FAM221A: variants seen among roughly 807,000 people sequenced by gnomAD.
The protein encoded by FAM221A is protein FAM221A.
In FAM221A, 43 loss-of-function variants were observed where a neutral mutation model predicts 37.6. The ratio of observed to expected loss-of-function variants is 1.15; its 90% CI spans 0.90 to 1.48. The LOEUF is 1.48. FAM221A is among the 40% of genes most tolerant of loss of function. FAM221A has a pLI of 0.00. For synonymous variants in FAM221A, 135 were observed against 132.9 expected, an observed-to-expected ratio of 1.02 and a Z score of -0.11; for missense variants, 361 against 361.5, an observed-to-expected ratio of 1.00 and a Z score of 0.01.
At chr7:23,687,048 G>A (rs1025368905) in intron 2 of FAM221A, 3 of 152,216 alleles carry the variant, frequency 2.0e-5, no homozygotes, top group African/African-American at 7.2e-5. Context: ...GCCTCCCACA[G>A]TGCTGGGATT....
chr7:23,684,701 A>G, intron 2 of FAM221A, 29 bp downstream of exon 2: 1 of 1,557,728 alleles, frequency 6.4e-7, no homozygotes, highest in Non-Finnish European at 8.7e-7. Flanking sequence ...AAGTTTTTTG[A>G]TAATTAGAAA....
intron 1 of FAM221A, among the ~76,000 whole-genome samples, chr7:23,682,359 T>C (rs4722246): frequency 0.86 from 128,271 of 148,728 alleles, 55,382 homozygotes; most frequent in South Asian, 0.93. Context: ...AGCCACCACA[T>C]CTGGCTTTAT....
At chr7:23,689,105 G>T in intron 2 of FAM221A, 164 bp from the exon 3 acceptor site, 1 of 454,736 alleles carries the variant, frequency 2.2e-6, no homozygotes, top group African/African-American at 1.9e-5. Flanking sequence ...AGCAACATAG[G>T]TGATACAAGT....
At position 23,680,284 on chromosome 7, in the gene FAM221A, G is replaced by A. The variant is rs1783946919; in HGVS notation, c.65+1G>A. 6.5e-7 allele frequency: 1 copy of A among 1,546,110 alleles called. No homozygotes were observed. The highest frequency in any genetic ancestry group is 8.7e-7 in the Non-Finnish European group (1 of 1,144,820). ...TGGACGAGTACCTGGAGTACCGGAGGTGAGGCTGTGGCTCCGGGCCTGCCC... is the reference window on the plus strand; with the variant it reads ...TGGACGAGTACCTGGAGTACCGGAGATGAGGCTGTGGCTCCGGGCCTGCCC... On this transcript the variant is annotated splice_donor_variant, in intron 1 of 6. Coordinates refer to ENST00000344962, the MANE Select transcript of FAM221A (RefSeq NM_199136.5). LOFTEE classifies it high-confidence loss of function.
intron 3 of FAM221A, among the ~76,000 whole-genome samples, chr7:23,690,199 A>ATT (rs398004023): frequency 0.022 from 1,083 of 48,682 alleles, 57 homozygotes; most frequent in Middle Eastern, 0.065. Context: ...ATATATATAT[A>ATT]TTTTTTTTTT....
Position 23,702,169 on chromosome 7 carries a change from T to C in FAM221A, c.*5T>C. On this transcript the variant is annotated 3_prime_UTR_variant, in exon 7 of 7. Coordinates refer to ENST00000344962, the MANE Select transcript of FAM221A (RefSeq NM_199136.5). ...TCAGCTACAAAACCTTCATGAAGAC[T>C]ATTGGAGAAATTAAAACCATCATCC... The C allele has an allele frequency of 6.4e-7, 1 of 1,566,354 alleles. No homozygotes were observed. The highest frequency in any genetic ancestry group is 8.7e-7 in the Non-Finnish European group (1 of 1,152,074).
At chr7:23,692,649 G>A in intron 4 of FAM221A, 1 of 984,538 alleles carries the variant, frequency 1.0e-6, no homozygotes, top group Non-Finnish European at 1.2e-6. Flanking sequence ...GCCCATACGA[G>A]TATATATTTT....
Position 23,685,106 on chromosome 7 carries a change from G to A in FAM221A, c.239+434G>A, listed in dbSNP as rs189857091. 5.1e-3 allele frequency among the ~76,000 whole-genome samples: 776 copies of A among 152,212 alleles called. 12 individuals carry two copies. The highest frequency in any genetic ancestry group is 0.017 in the African/African-American group (726 of 41,530). ...CTACTAAAAATACAAAAAATTAGCC[G>A]GGCGTGGTGGCACACGCCTGTAATC... is the stretch of plus-strand genomic sequence containing the variant. On this transcript the variant is annotated intron_variant, in intron 2 of 6. Transcript: ENST00000344962.
At chr7:23,698,095 T>G in intron 4 of FAM221A, 97 bp from the exon 5 acceptor site, 1 of 734,576 alleles carries the variant, frequency 1.4e-6, no homozygotes, top group Non-Finnish European at 2.3e-6. Context: ...TTTCTAATAA[T>G]TCTGCTGAGG....
rs968965969 is a variant in FAM221A, at chr7:23,700,407, C to G, written c.746-379C>G. On this transcript the variant is annotated intron_variant, in intron 5 of 6. Coordinates refer to ENST00000344962, the MANE Select transcript of FAM221A (RefSeq NM_199136.5). ...TGAAAGATTTTGAAGCAGGTACTAT[C>G]ATTACTTATGGTTGCCTATACCAAG... Among the ~76,000 whole-genome samples the G allele has an allele frequency of 4.6e-5, 7 of 152,354 alleles. No homozygotes were observed. The South Asian group carries it at 1.2e-3, about 27-fold the overall frequency.
chr7:23,687,332 A>C (rs1022293730), intron 2 of FAM221A: 1 of 152,122 alleles, frequency 6.6e-6, no homozygotes, highest in East Asian at 1.9e-4. Context: ...GCTTTAACCA[A>C]TTCTGCATTT....
At chr7:23,685,430 G>A (rs1185052475) in intron 2 of FAM221A, among the ~76,000 whole-genome samples, 1 of 152,110 alleles carries the variant, frequency 6.6e-6, no homozygotes, top group Non-Finnish European at 1.5e-5. Context: ...AAAATGTTTG[G>A]TGGCCCTGTG....
At chr7:23,691,273 G>T in intron 3 of FAM221A, 117 bp from the exon 4 acceptor site, 1 of 861,196 alleles carries the variant, frequency 1.2e-6, no homozygotes, top group Non-Finnish European at 1.9e-6. Flanking sequence ...GTGGCTGGAG[G>T]TAAGAGTTAC....
chr7:23,694,508 A>G (rs1784935104), intron 4 of FAM221A: 1 of 152,218 alleles, frequency 6.6e-6, no homozygotes, highest in Non-Finnish European at 1.5e-5. Context: ...AAACCCAACT[A>G]CCAGTGTCAA....
intron 2 of FAM221A, 33 bp from the exon 3 acceptor site, chr7:23,689,236 T>A: frequency 7.1e-7 from 1 of 1,412,298 alleles, no homozygotes; most frequent in Non-Finnish European, 9.7e-7. Flanking sequence ...ACCTGTATTG[T>A]GTTTATATTT....
intron 6 of FAM221A, among the ~76,000 whole-genome samples, chr7:23,701,595 T>TC: frequency 1.3e-5 from 2 of 152,266 alleles, no homozygotes; most frequent in South Asian, 4.1e-4. Context: ...TTTAGGTGTA[T>TC]CCAGACTCGT....
chr7:23,682,524 GT>G (rs1784117145), intron 1 of FAM221A, among the ~76,000 whole-genome samples: 1 of 150,712 alleles, frequency 6.6e-6, no homozygotes, highest in African/African-American at 2.4e-5. Context: ...CTCTGCCTCC[GT>G]GGAAGTGATT....
chr7:23,700,681 A>C (rs1785364418), intron 5 of FAM221A, 105 bp from the exon 6 acceptor site: 2 of 723,702 alleles, frequency 2.8e-6, no homozygotes. Flanking sequence ...TTTTGGTTTG[A>C]AAAATAAAAC....
chr7:23,688,746 C>T (rs1184936265), intron 2 of FAM221A: 3 of 152,072 alleles, frequency 2.0e-5, no homozygotes, highest in East Asian at 3.9e-4. Context: ...AAGCAGTTCT[C>T]CTGCCTCAGC....
Sources: gnomAD v4.1 joint callset for allele counts (sites outside exome capture counted in the v4.1 genomes callset) on GRCh38, gnomAD v4.1.1 for gene constraint, MANE v1.5 for transcripts, NCBI Gene and HGNC (gene_info 2026-07-23, HGNC 2026-07-21) for gene names.